Variants in NAV2 observed in about 807,000 individuals in gnomAD.
The protein encoded by NAV2 is helicase, APC down-regulated 1.
A neutral mutation model predicts 223.2 loss-of-function variants in NAV2; 54 were observed. The ratio of observed to expected loss-of-function variants is 0.24; its 90% CI spans 0.19 to 0.30. NAV2 has a LOEUF of 0.30. NAV2 is among the 10% of genes least tolerant of loss of function. The pLI is 1.00. For missense variants in NAV2, 2,806 were observed against 3,147.5 expected, an observed-to-expected ratio of 0.89 and a Z score of 2.60; for synonymous variants, 1,279 against 1,239.3, an observed-to-expected ratio of 1.03 and a Z score of -0.67.
In NAV2 at chr11:20,013,434, G is replaced by A. The variant is rs561731338; in HGVS notation, c.2769-22525G>A. Among the ~76,000 whole-genome samples the A allele has an allele frequency of 7.0e-4, 106 of 151,268 alleles. 1 individual carries two copies. The South Asian group carries it at 0.018, about 26-fold the overall frequency. On this transcript the variant is annotated intron_variant, in intron 11 of 37. Transcript: ENST00000349880. ...TATAACTTTTTCAGCTAGCCTTCCC[G>A]CTAGGCAAATACCTAGAATGAGTTG... is the stretch of plus-strand genomic sequence containing the variant.
rs77399442 is a variant in NAV2, at chr11:19,549,448, A to G, written c.75+198421A>G. Among the ~76,000 whole-genome samples the G allele has an allele frequency of 5.5e-3, 845 of 152,300 alleles. 7 individuals carry two copies. Among genetic ancestry groups the G allele is most frequent in the African/African-American group, 0.02 (824 of 41,568 alleles). Reference sequence around the variant, plus strand: ...TCTCTTGGGGGATGGAAGGACAAGTATCCTCAGGAGCTTGAGGGTTCACCC... The same window carrying G: ...TCTCTTGGGGGATGGAAGGACAAGTGTCCTCAGGAGCTTGAGGGTTCACCC... On this transcript the variant is annotated intron_variant, in intron 1 of 37. Transcript: ENST00000360655.
intron 6 of NAV2, among the ~76,000 whole-genome samples, chr11:19,912,388 T>C (rs1179035948): frequency 6.6e-6 from 1 of 152,210 alleles, no homozygotes; most frequent in Admixed American, 6.5e-5. Context: ...ATTTGGACTT[T>C]AATGTCTGTG....
chr11:19,522,112 C>T (rs2043677852), intron 1 of NAV2, among the ~76,000 whole-genome samples: 1 of 152,178 alleles, frequency 6.6e-6, no homozygotes, highest in Non-Finnish European at 1.5e-5. Context: ...TAAATGAGCT[C>T]AAGGACTTGT....
chr11:19,575,233 T>G (rs907860964), intron 1 of NAV2: 1 of 154,066 alleles, frequency 6.5e-6, no homozygotes, highest in East Asian at 1.9e-4. Context: ...AGAGGGGTTC[T>G]TAGCAGCAGA....
chr11:20,049,995 A>G, intron 16 of NAV2, 94 bp downstream of exon 16: 1 of 1,142,578 alleles, frequency 8.8e-7, no homozygotes. Context: ...CTGTTGGCCT[A>G]AGCCACCTGC....
At chr11:20,042,375 T>C (rs2057005981) in intron 12 of NAV2, among the ~76,000 whole-genome samples, 1 of 152,294 alleles carries the variant, frequency 6.6e-6, no homozygotes, top group Non-Finnish European at 1.5e-5. Flanking sequence ...TTGAGTGAGC[T>C]CCTGCCCTGT....
intron 28 of NAV2, 49 bp downstream of exon 28, chr11:20,092,417 C>A: frequency 6.4e-7 from 1 of 1,566,172 alleles, no homozygotes; most frequent in Non-Finnish European, 8.7e-7. Context: ...ACAGCTGGCA[C>A]CCTGATCTCT....
In NAV2 at chr11:19,377,125, T is replaced by C. The variant is rs117490998; in HGVS notation, c.75+26098T>C. ...CTCCCAGCAATCTCTGTCCTTTTTCTAGGCCTTGTTTTCTCAACAGCAATA... is the reference window on the plus strand; with the variant it reads ...CTCCCAGCAATCTCTGTCCTTTTTCCAGGCCTTGTTTTCTCAACAGCAATA... On this transcript the variant is annotated intron_variant, in intron 1 of 37. Coordinates refer to the NAV2 transcript ENST00000360655. 2.0e-5 allele frequency among the ~76,000 whole-genome samples: 3 copies of C among 152,322 alleles called. No homozygotes were observed. In the East Asian group the frequency reaches 5.8e-4, roughly 29 times the overall value.
chr11:19,363,156 G>T (rs1854057837), intron 1 of NAV2, among the ~76,000 whole-genome samples: 1 of 152,000 alleles, frequency 6.6e-6, no homozygotes. Flanking sequence ...GACAGGCCCT[G>T]GTGTGTGATG....
intron 1 of NAV2, among the ~76,000 whole-genome samples, chr11:19,727,514 T>TAA (rs2051352751): frequency 6.6e-6 from 1 of 152,218 alleles, no homozygotes; most frequent in African/African-American, 2.4e-5. Context: ...CTCCATTGCC[T>TAA]TGTCTAATGC....
chr11:19,504,564 A>G (rs746918919), intron 1 of NAV2, among the ~76,000 whole-genome samples: 30 of 152,308 alleles, frequency 2.0e-4, no homozygotes, highest in Middle Eastern at 6.8e-3. Flanking sequence ...GAGCAGCCCA[A>G]TGTGAAAGGT....
At chr11:19,514,544 A>G (rs1305706257) in intron 1 of NAV2, among the ~76,000 whole-genome samples, 1 of 152,070 alleles carries the variant, frequency 6.6e-6, no homozygotes, top group Non-Finnish European at 1.5e-5. Flanking sequence ...AGAGAGACCA[A>G]CTCACTAACT....
At chr11:19,851,931 A>G (rs1297873272) in intron 3 of NAV2, among the ~76,000 whole-genome samples, 1 of 152,260 alleles carries the variant, frequency 6.6e-6, no homozygotes, top group Non-Finnish European at 1.5e-5. Flanking sequence ...AGATGTGACA[A>G]TGGAAGTAAA....
chr11:19,999,414 G>A (rs979923018), intron 11 of NAV2, among the ~76,000 whole-genome samples: 1 of 152,202 alleles, frequency 6.6e-6, no homozygotes, highest in Non-Finnish European at 1.5e-5. Flanking sequence ...TGTCACCCAG[G>A]CTGGAGCACA....
intron 1 of NAV2, among the ~76,000 whole-genome samples, chr11:19,547,345 A>G (rs1025035652): frequency 6.6e-6 from 1 of 152,216 alleles, no homozygotes; most frequent in African/African-American, 2.4e-5. Context: ...TGTAATGCCA[A>G]ATCAAAGCAG....
intron 1 of NAV2, among the ~76,000 whole-genome samples, chr11:19,374,147 C>T (rs1848562769): frequency 6.6e-6 from 1 of 152,076 alleles, no homozygotes; most frequent in Non-Finnish European, 1.5e-5. Context: ...TTCTCTTTCT[C>T]GAAAACACAT....
chr11:19,949,090 C>T lies in NAV2; in HGVS notation c.2645+10C>T, dbSNP rs371837245. The T allele has an allele frequency of 2.5e-5, 40 of 1,571,352 alleles. No homozygotes were observed. Among genetic ancestry groups the T allele is most frequent in the African/African-American group, 2.2e-4 (16 of 73,848 alleles). On this transcript the variant is annotated intron_variant, in intron 10 of 37. Coordinates refer to ENST00000349880, the MANE Select transcript of NAV2 (RefSeq NM_145117.5). Reference sequence around the variant, plus strand: ...ATGACATTACAAGCGGGTAAGTACCCGGGGCCGCCCTTTCTCCCAGAGAGA... The same window carrying T: ...ATGACATTACAAGCGGGTAAGTACCTGGGGCCGCCCTTTCTCCCAGAGAGA...
chr11:19,759,232 G>A (rs994032309), intron 1 of NAV2, among the ~76,000 whole-genome samples: 2 of 151,074 alleles, frequency 1.3e-5, no homozygotes, highest in East Asian at 2.0e-4. Flanking sequence ...ACAGGGGCAC[G>A]CCGCCATGCC....
At chr11:19,491,938 G>A (rs1318795218) in intron 1 of NAV2, among the ~76,000 whole-genome samples, 1 of 142,930 alleles carries the variant, frequency 7.0e-6, no homozygotes, top group East Asian at 2.1e-4. Context: ...TTGTGTCTCA[G>A]GGAATAGGGA....
Sources: gnomAD v4.1 joint callset for allele counts (sites outside exome capture counted in the v4.1 genomes callset) on GRCh38, gnomAD v4.1.1 for gene constraint, MANE v1.5 for transcripts, NCBI Gene and HGNC (gene_info 2026-07-23, HGNC 2026-07-21) for gene names.